Variants in PEX14 observed in about 807,000 individuals in gnomAD.
PEX14 encodes the protein peroxisomal biogenesis factor 14.
A neutral mutation model predicts 49.5 loss-of-function variants in PEX14; 15 were observed. The observed-to-expected ratio is 0.30, with a 90% confidence interval of 0.20 to 0.47. PEX14 has a LOEUF of 0.47. PEX14 is among the 20% of genes least tolerant of loss of function. PEX14 has a pLI of 1.00. For synonymous variants in PEX14, 210 were observed against 212.7 expected (o/e 0.99, Z 0.11); for missense variants, 398 against 494.8 (o/e 0.80, Z 1.86).
chr1:10,628,870 T>G lies in PEX14; in HGVS notation c.678-661T>G, dbSNP rs116129885. On this transcript the variant is annotated intron_variant, in intron 8 of 8. Transcript: ENST00000356607. This position sits in a 1 kb window ranked among gnomAD's most constrained non-coding sequence, Gnocchi z 4.5. ...TCTCTGAGCCGTTGCCAAGTGGACC[T>G]GACCTCCCAGGTCCCTCCTGGAATT... Among the ~76,000 whole-genome samples, 885 of 152,322 alleles carry G rather than the reference T, an allele frequency of 5.8e-3. 12 individuals are homozygous for G. The highest frequency in any genetic ancestry group is 0.021 in the African/African-American group (856 of 41,578).
intron 3 of PEX14, among the ~76,000 whole-genome samples, chr1:10,577,554 ATATATATATTTTTTTTTTTTTTTTTTTT>A (rs1640174181): frequency 6.2e-4 from 5 of 8,088 alleles, no homozygotes; most frequent in South Asian, 5.1e-3. Flanking sequence ...ATATATATAT[ATATATATATTTTTTTTTTTTTTTTTTTT>A]TTTTTTTTTT....
intron 3 of PEX14, among the ~76,000 whole-genome samples, chr1:10,569,379 G>A (rs764695670): frequency 1.3e-5 from 2 of 151,854 alleles, no homozygotes; most frequent in Non-Finnish European, 2.9e-5. Context: ...AATTCCCCTC[G>A]GCACCATCAA....
At chr1:10,504,366 C>T (rs905050554) in intron 2 of PEX14, among the ~76,000 whole-genome samples, 4 of 152,182 alleles carry the variant, frequency 2.6e-5, no homozygotes, top group Non-Finnish European at 5.9e-5. Context: ...CAGGGGCACT[C>T]CTTGACAGTC....
chr1:10,577,410 C>CCAAAA (rs578068469), intron 3 of PEX14, among the ~76,000 whole-genome samples: 2 of 99,362 alleles, frequency 2.0e-5, no homozygotes, highest in Non-Finnish European at 3.7e-5. Flanking sequence ...AAAAAAAAAC[C>CCAAAA]AAAAAAAAAA....
chr1:10,540,340 G>A (rs1038619187), intron 3 of PEX14, among the ~76,000 whole-genome samples: 1 of 151,914 alleles, frequency 6.6e-6, no homozygotes, highest in South Asian at 2.1e-4. Context: ...TATCATTTAC[G>A]TCTATTTCAT....
chr1:10,491,190 G>A lies in PEX14; in HGVS notation c.37-4084G>A, dbSNP rs146899481. Among the ~76,000 whole-genome samples, 128 of 151,848 alleles carry A rather than the reference G, an allele frequency of 8.4e-4. 3 individuals are homozygous for A. In the East Asian group the frequency reaches 0.024, roughly 29 times the overall value. ...CCTGCTTCGATTGTTTAAACAGCTA[G>A]CATGGTGGAAGATTTTAAAAAAATG... On this transcript the variant is annotated intron_variant, in intron 1 of 8. Coordinates refer to ENST00000356607, the MANE Select transcript of PEX14 (RefSeq NM_004565.3).
At chr1:10,488,278 TC>T (rs1403565103) in intron 1 of PEX14, among the ~76,000 whole-genome samples, 1 of 152,156 alleles carries the variant, frequency 6.6e-6, no homozygotes, top group Non-Finnish European at 1.5e-5. Context: ...TGCCTCAGCC[TC>T]CTGAGTAGCT....
At chr1:10,479,833 A>G (rs1040583511) in intron 1 of PEX14, among the ~76,000 whole-genome samples, 6 of 152,116 alleles carry the variant, frequency 3.9e-5, no homozygotes, top group African/African-American at 1.4e-4. Flanking sequence ...AACGAGAGCA[A>G]TAATAGTTAC....
intron 4 of PEX14, among the ~76,000 whole-genome samples, chr1:10,609,601 T>C (rs1641218967): frequency 6.6e-6 from 1 of 152,186 alleles, no homozygotes; most frequent in African/African-American, 2.4e-5. Context: ...ACATTTCTTA[T>C]AGAACAGGTG....
intron 1 of PEX14, among the ~76,000 whole-genome samples, chr1:10,478,333 T>C (rs917324214): frequency 6.6e-6 from 1 of 152,118 alleles, no homozygotes; most frequent in African/African-American, 2.4e-5. Flanking sequence ...ACGACATCTT[T>C]TGGGGTATGA....
chr1:10,536,413 T>G, intron 3 of PEX14, 116 bp downstream of exon 3: 1 of 749,980 alleles, frequency 1.3e-6, no homozygotes, highest in Middle Eastern at 3.2e-4. Flanking sequence ...AGCTGCCCAC[T>G]CATGGGGCAG....
chr1:10,630,066 C>A lies in PEX14; in HGVS notation c.*79C>A. 1 of 1,583,086 alleles carries A rather than the reference C, an allele frequency of 6.3e-7. No individual in the cohort carries two copies. Among genetic ancestry groups the A allele is most frequent in the Non-Finnish European group, 8.5e-7 (1 of 1,171,124 alleles). ...GGCCATACCCTGCCTCCCTCTCTGG[C>A]CCTGGGAGGGCAGCTTGGAGCCCAG... On this transcript the variant is annotated 3_prime_UTR_variant, in exon 9 of 9. Transcript: ENST00000356607. The surrounding 1 kb of genome is among the most constrained non-coding windows in gnomAD (Gnocchi z 4.1).
chr1:10,586,720 A>G (rs929536402), intron 3 of PEX14, among the ~76,000 whole-genome samples: 2 of 143,374 alleles, frequency 1.4e-5, no homozygotes, highest in African/African-American at 5.2e-5. Flanking sequence ...GCTCACTGCA[A>G]GCTCCACCTC....
chr1:10,513,037 C>T (rs1015616648), intron 2 of PEX14, among the ~76,000 whole-genome samples: 7 of 152,206 alleles, frequency 4.6e-5, no homozygotes, highest in African/African-American at 1.7e-4. Flanking sequence ...CTCTTTTGGC[C>T]TTCAGGGTGA....
chr1:10,535,767 G>C (rs1638780869), intron 2 of PEX14: 1 of 288,268 alleles, frequency 3.5e-6, no homozygotes, highest in African/African-American at 2.2e-5. Context: ...GGGCTGTGCT[G>C]ATAGAGAACG....
chr1:10,489,291 A>T (rs1237376586), intron 1 of PEX14, among the ~76,000 whole-genome samples: 2 of 152,114 alleles, frequency 1.3e-5, no homozygotes, highest in Non-Finnish European at 2.9e-5. Context: ...ATGTGTTGAA[A>T]TTTTTTATTG....
rs1178679807 is a variant in PEX14 at position 10,495,407 on chromosome 1, C to T, written c.84+86C>T. 1.2e-5 allele frequency: 13 copies of T among 1,079,450 alleles called. No homozygotes were observed. Among genetic ancestry groups the T allele is most frequent in the African/African-American group, 7.8e-5 (5 of 64,366 alleles). 66.9% of individuals were successfully genotyped at this position (1,079,450 alleles called of 1,614,324 possible). A position where few individuals can be genotyped will look rare whatever the true frequency, so the allele number is the denominator to read the frequency against. ...GAAACCTTCTGTTCCTATGGTTCTG[C>T]GTCAGTAGTGTCCCTTTAAAAGTAG... is the stretch of plus-strand genomic sequence containing the variant. On this transcript the variant is annotated intron_variant, in intron 2 of 8. Coordinates refer to ENST00000356607, the MANE Select transcript of PEX14 (RefSeq NM_004565.3). The surrounding 1 kb of genome is among the most constrained non-coding windows in gnomAD (Gnocchi z 4.2).
At chr1:10,535,879 G>A (rs1638786589) in intron 2 of PEX14, 1 of 373,940 alleles carries the variant, frequency 2.7e-6, no homozygotes. Context: ...CAGGGCACAA[G>A]GGCGGCGACA....
chr1:10,480,867 ATAT>A (rs761441757), intron 1 of PEX14, among the ~76,000 whole-genome samples: 11 of 145,970 alleles, frequency 7.5e-5, no homozygotes, highest in African/African-American at 2.3e-4. Flanking sequence ...CTCTATATAT[ATAT>A]TTTTTTTTTT....
Sources: gnomAD v4.1 joint callset for allele counts (sites outside exome capture counted in the v4.1 genomes callset) on GRCh38, gnomAD v4.1.1 for gene constraint, Gnocchi (gnomAD v3.1) non-coding constraint, MANE v1.5 for transcripts, NCBI Gene and HGNC (gene_info 2026-07-23, HGNC 2026-07-21) for gene names.